Variants in TDRP observed in about 807,000 individuals in gnomAD.
TDRP encodes testis development-related protein.
Under a neutral mutation model 10.5 loss-of-function variants are expected in TDRP, and 12 were observed. The observed-to-expected ratio is 1.15, with a 90% CI of 0.73 to 1.86. The LOEUF is 1.86. TDRP is among the 40% of genes most tolerant of loss of function. The pLI is 0.00. For missense variants in TDRP, 353 were observed against 229.2 expected, an observed-to-expected ratio of 1.54 and a Z score of -3.49; for synonymous variants, 139 against 95.4, an observed-to-expected ratio of 1.46 and a Z score of -2.67.
At chr8:509,077 T>C (rs907153317) in intron 1 of TDRP, among the ~76,000 whole-genome samples, 2 of 152,240 alleles carry the variant, frequency 1.3e-5, no homozygotes, top group African/African-American at 4.8e-5. Context: ...ATGCAAGAGA[T>C]GGGCTCCTAC....
intron 1 of TDRP, among the ~76,000 whole-genome samples, chr8:512,102 C>T (rs914650583): frequency 6.6e-6 from 1 of 151,792 alleles, no homozygotes; most frequent in Non-Finnish European, 1.5e-5. Flanking sequence ...GAGAAATAAA[C>T]AAAACCAAAA....
chr8:536,629 G>C (rs1420674326), intron 1 of TDRP, among the ~76,000 whole-genome samples: 2 of 152,116 alleles, frequency 1.3e-5, no homozygotes, highest in Non-Finnish European at 2.9e-5. Flanking sequence ...AAAATGTAAA[G>C]GATCTCTAAC....
intron 1 of TDRP, among the ~76,000 whole-genome samples, chr8:524,781 A>G (rs112006873): frequency 2.6e-4 from 40 of 152,220 alleles, no homozygotes; most frequent in African/African-American, 9.6e-4. Context: ...AGACAAAAGA[A>G]TAAAAAACAA....
chr8:497,479 C>T (rs911923175), intron 1 of TDRP, among the ~76,000 whole-genome samples: 2 of 152,160 alleles, frequency 1.3e-5, no homozygotes, highest in Admixed American at 6.5e-5. Context: ...GGCCTGGGTG[C>T]TCCTAACAGC....
At chr8:497,222 A>G (rs1401859102) in intron 1 of TDRP, among the ~76,000 whole-genome samples, 3 of 152,198 alleles carry the variant, frequency 2.0e-5, no homozygotes, top group Non-Finnish European at 4.4e-5. Flanking sequence ...CTTCCTAGAG[A>G]CTTGTTGAAT....
In TDRP at chr8:491,332, T is replaced by G; in HGVS notation, c.*1067A>C. 1 of 340,228 alleles carries G rather than the reference T, an allele frequency of 2.9e-6. No individual in the cohort carries two copies. The highest frequency in any genetic ancestry group is 5.3e-6 in the Non-Finnish European group (1 of 189,548). 21.1% of individuals were successfully genotyped at this position (340,228 alleles called of 1,614,324 possible). A position where few individuals can be genotyped will look rare whatever the true frequency, so the allele number is the denominator to read the frequency against. On this transcript the variant is annotated 3_prime_UTR_variant, in exon 3 of 3. Coordinates refer to ENST00000324079, the MANE Select transcript of TDRP (RefSeq NM_001384899.1). ...TCAAACCACTTTTATCTAAGAGATA[T>G]CTGCAGGACTTGCTGATAAGAGCCA...
At chr8:520,068 T>C (rs536494455) in intron 1 of TDRP, among the ~76,000 whole-genome samples, 10 of 152,308 alleles carry the variant, frequency 6.6e-5, no homozygotes, top group South Asian at 4.1e-4. Context: ...AGGAAACACA[T>C]AGGCAGTTTT....
At position 501,781 on chromosome 8, in the gene TDRP, T is replaced by C. The variant is rs76532892; in HGVS notation, c.109-7184A>G. Among the ~76,000 whole-genome samples, 924 of 152,354 alleles carry C rather than the reference T, an allele frequency of 6.1e-3. 12 individuals are homozygous for C. The highest frequency in any genetic ancestry group is 0.021 in the African/African-American group (890 of 41,574). On this transcript the variant is annotated intron_variant, in intron 1 of 2. Transcript: ENST00000324079. ...AGGGTGACCATGTGCAGGGCCAGCA[T>C]GGGACTCAGTACAGACGGTTTGCCG... is the stretch of plus-strand genomic sequence containing the variant.
At chr8:533,697 C>T (rs1313327837) in intron 1 of TDRP, among the ~76,000 whole-genome samples, 1 of 152,134 alleles carries the variant, frequency 6.6e-6, no homozygotes, top group African/African-American at 2.4e-5. Context: ...GGGATTTTCC[C>T]AGTTCTTCCC....
intron 1 of TDRP, among the ~76,000 whole-genome samples, chr8:519,628 G>C (rs1165987770): frequency 6.6e-6 from 1 of 151,946 alleles, no homozygotes; most frequent in Non-Finnish European, 1.5e-5. Context: ...CTAAGAGTTT[G>C]CTGTAACCCT....
chr8:497,208 G>C lies in TDRP; in HGVS notation c.109-2611C>G, dbSNP rs548768592. ...AAGACTGGAAGATGTGGGAATGTTT[G>C]GAACTTCCTAGAGACTTGTTGAATG... is the stretch of plus-strand genomic sequence containing the variant. On this transcript the variant is annotated intron_variant, in intron 1 of 2. Coordinates refer to ENST00000324079, the MANE Select transcript of TDRP (RefSeq NM_001384899.1). Among the ~76,000 whole-genome samples, 3 of 152,334 alleles carry C rather than the reference G, an allele frequency of 2.0e-5. No homozygotes were observed. In the South Asian group the frequency reaches 6.2e-4, roughly 32 times the overall value.
intron 1 of TDRP, among the ~76,000 whole-genome samples, chr8:496,768 T>A (rs1801148181): frequency 6.6e-6 from 1 of 152,204 alleles, no homozygotes; most frequent in Non-Finnish European, 1.5e-5. Context: ...TCCCCATGTG[T>A]CAGGGGAGGG....
chr8:493,828 T>G (rs1240332948), intron 2 of TDRP, among the ~76,000 whole-genome samples: 2 of 152,156 alleles, frequency 1.3e-5, no homozygotes, highest in Non-Finnish European at 2.9e-5. Flanking sequence ...CTAAAAATCT[T>G]AAGTGAGGCT....
chr8:499,872 G>C (rs1301593242), intron 1 of TDRP, among the ~76,000 whole-genome samples: 1 of 152,222 alleles, frequency 6.6e-6, no homozygotes, highest in Non-Finnish European at 1.5e-5. Flanking sequence ...TCCTGAGGTG[G>C]ACAAAATCTT....
At chr8:494,321 G>C (rs935730624) in intron 2 of TDRP, among the ~76,000 whole-genome samples, 173 bp downstream of exon 2, 1 of 152,116 alleles carries the variant, frequency 6.6e-6, no homozygotes, top group Admixed American at 6.5e-5. Flanking sequence ...TGAAGTCCAT[G>C]ACCGTCTGCC....
intron 1 of TDRP, among the ~76,000 whole-genome samples, chr8:525,696 C>T (rs7838356): frequency 0.012 from 1,802 of 151,288 alleles, 32 homozygotes; most frequent in African/African-American, 0.042. Context: ...AATGGATACA[C>T]AAAAAATAAA....
At chr8:502,108 G>A (rs566206482) in intron 1 of TDRP, among the ~76,000 whole-genome samples, 5 of 152,316 alleles carry the variant, frequency 3.3e-5, no homozygotes, top group African/African-American at 1.2e-4. Context: ...AAAATGCTGT[G>A]ATCCTGGGAA....
At position 503,411 on chromosome 8, in the gene TDRP, C is replaced by T. The variant is rs371089921; in HGVS notation, c.109-8814G>A. ...ATGCCCACCTCTGCACGCGTCAACA[C>T]GGAATCCACAGCCACGCATTGGAAC... On this transcript the variant is annotated intron_variant, in intron 1 of 2. Transcript: ENST00000324079. Among the ~76,000 whole-genome samples the T allele has an allele frequency of 1.9e-4, 28 of 150,946 alleles. 1 individual carries two copies. The highest frequency in any genetic ancestry group is 7.1e-3 in the Middle Eastern group (2 of 282).
At chr8:532,125 G>A (rs555757300) in intron 1 of TDRP, among the ~76,000 whole-genome samples, 4 of 152,302 alleles carry the variant, frequency 2.6e-5, no homozygotes, top group South Asian at 2.1e-4. Context: ...TCTGGACACT[G>A]CTCTCATCCA....
Sources: allele counts gnomAD v4.1 joint callset (sites outside exome capture counted in the v4.1 genomes callset), GRCh38; gene constraint gnomAD v4.1.1; transcripts MANE v1.5; gene names NCBI Gene and HGNC (gene_info 2026-07-23, HGNC 2026-07-21).